AK5: variants seen among roughly 807,000 people sequenced by gnomAD.
AK5 encodes adenylate kinase isoenzyme 5.
In AK5, 27 loss-of-function variants were observed where a neutral mutation model predicts 69.5. The ratio of observed to expected loss-of-function variants is 0.39; its 90% CI spans 0.29 to 0.54. The LOEUF is 0.54. Ranked by LOEUF, AK5 falls within the 20% of genes least tolerant of loss-of-function variation. The pLI is 0.71. For missense variants in AK5, 531 were observed against 700.4 expected (o/e 0.76, Z 2.73); for synonymous variants, 260 against 244.4 (o/e 1.06, Z -0.60).
At chr1:77,381,141 T>C (rs1363700884) in intron 6 of AK5, among the ~76,000 whole-genome samples, 2 of 152,148 alleles carry the variant, frequency 1.3e-5, no homozygotes, top group African/African-American at 4.8e-5. Flanking sequence ...AATTAGGAAG[T>C]TGCTTCCACA....
intron 9 of AK5, among the ~76,000 whole-genome samples, chr1:77,483,673 C>G (rs879384978): frequency 6.6e-6 from 1 of 152,130 alleles, no homozygotes; most frequent in African/African-American, 2.4e-5. Context: ...CTGGAAGATC[C>G]AAGTATATAA....
intron 8 of AK5, among the ~76,000 whole-genome samples, chr1:77,447,233 T>C (rs540811801): frequency 5.4e-4 from 82 of 152,370 alleles, no homozygotes; most frequent in African/African-American, 1.8e-3. Flanking sequence ...TTAAACCTCA[T>C]AAATTCATAT....
chr1:77,358,447 A>T (rs952156729), intron 6 of AK5, among the ~76,000 whole-genome samples: 1 of 152,102 alleles, frequency 6.6e-6, no homozygotes, highest in Non-Finnish European at 1.5e-5. Flanking sequence ...TCTCATCTCC[A>T]TGTCTTGAGG....
At chr1:77,506,079 C>T (rs909122976) in intron 10 of AK5, among the ~76,000 whole-genome samples, 4 of 151,914 alleles carry the variant, frequency 2.6e-5, no homozygotes, top group Non-Finnish European at 5.9e-5. Context: ...ATTCAGAAAC[C>T]CAGGCAAGCA....
chr1:77,411,110 T>TA, intron 7 of AK5, 39 bp downstream of exon 7: 1 of 1,548,378 alleles, frequency 6.5e-7, no homozygotes, highest in Non-Finnish European at 8.9e-7. Context: ...TACGCCGTGA[T>TA]CACCTGCCAA....
At chr1:77,504,391 A>G (rs192048385) in intron 10 of AK5, among the ~76,000 whole-genome samples, 43 of 151,964 alleles carry the variant, frequency 2.8e-4, no homozygotes, top group Admixed American at 1.7e-3. Context: ...AATGAATACT[A>G]TTAGTATTTT....
chr1:77,506,251 GGTT>G (rs1168790214), intron 10 of AK5, among the ~76,000 whole-genome samples: 5 of 143,124 alleles, frequency 3.5e-5, no homozygotes, highest in Non-Finnish European at 6.2e-5. Context: ...TTGGTTGGTT[GGTT>G]GTTTTTTTTC....
chr1:77,352,456 CTA>C (rs1473191484), intron 6 of AK5, among the ~76,000 whole-genome samples: 1 of 152,142 alleles, frequency 6.6e-6, no homozygotes, highest in Admixed American at 6.5e-5. Flanking sequence ...GAAATAGATT[CTA>C]TGTTAGAGGA....
chr1:77,423,627 T>C (rs1195287620), intron 8 of AK5, among the ~76,000 whole-genome samples: 1 of 151,832 alleles, frequency 6.6e-6, no homozygotes, highest in Non-Finnish European at 1.5e-5. Flanking sequence ...CAGAAACGTC[T>C]GTAGAAGCCT....
intron 8 of AK5, among the ~76,000 whole-genome samples, chr1:77,470,857 ATATATATATATATATATATTTT>A (rs1262443879): frequency 4.5e-3 from 9 of 2,000 alleles, no homozygotes; most frequent in East Asian, 0.014. Context: ...ATATATATAT[ATATATATATATATATATATTTT>A]TTTTTTTTTT....
At chr1:77,441,736 G>A (rs138259075) in intron 8 of AK5, among the ~76,000 whole-genome samples, 101 of 152,330 alleles carry the variant, frequency 6.6e-4, no homozygotes, top group African/African-American at 2.2e-3. Context: ...CTTGATGTCA[G>A]GTCTGACACA....
At position 77,285,986 on chromosome 1, in the gene AK5, T is replaced by C. The variant is rs117606431; in HGVS notation, c.61-955T>C. Among the ~76,000 whole-genome samples, 22 of 152,254 alleles carry C rather than the reference T, an allele frequency of 1.4e-4. No homozygotes were observed. In the East Asian group the frequency reaches 3.7e-3, roughly 25 times the overall value. On this transcript the variant is annotated intron_variant, in intron 1 of 13. Coordinates refer to ENST00000354567, the MANE Select transcript of AK5 (RefSeq NM_174858.3). ...AGCTTATAGTTTAGAAGAAAGACTA[T>C]TGCATAACCGAATGGTTTCAGTATA...
chr1:77,518,912 A>G (rs937416416), intron 11 of AK5, among the ~76,000 whole-genome samples, 185 bp downstream of exon 11: 4 of 152,168 alleles, frequency 2.6e-5, no homozygotes, highest in Non-Finnish European at 5.9e-5. Flanking sequence ...CTACTCAACC[A>G]GGTCGAGCTG....
rs1194639248 is a variant in AK5, at chr1:77,554,060, T to A, written c.1621-4542T>A. ...CCAAGAAACCAGTCACAAAAGACCATATATTGTGTGATTTCATTGATATAA... is the reference window on the plus strand; with the variant it reads ...CCAAGAAACCAGTCACAAAAGACCAAATATTGTGTGATTTCATTGATATAA... On this transcript the variant is annotated intron_variant, in intron 13 of 13. Transcript: ENST00000354567. 3.3e-5 allele frequency among the ~76,000 whole-genome samples: 5 copies of A among 152,240 alleles called. No homozygotes were observed. In the East Asian group the frequency reaches 9.6e-4, roughly 29 times the overall value.
chr1:77,367,803 TAA>T lies in AK5; in HGVS notation c.891+27236_891+27237del, dbSNP rs372704982. 7.7e-4 allele frequency among the ~76,000 whole-genome samples: 24 copies of T among 31,036 alleles called. 2 individuals carry two copies. Among genetic ancestry groups the T allele is most frequent in the African/African-American group, 2.0e-3 (21 of 10,746 alleles). The allele number at this position is 31,036 out of a possible 152,430, so 20.4% of individuals were successfully genotyped here. A position where few individuals can be genotyped will look rare whatever the true frequency, so the allele number is the denominator to read the frequency against. On this transcript the variant is annotated intron_variant, in intron 6 of 13. Coordinates refer to ENST00000354567, the MANE Select transcript of AK5 (RefSeq NM_174858.3). ...TAATATATGTTATATATGTTATATA[TAA>T]TATATGTTATATATATTATATATAA... is the stretch of plus-strand genomic sequence containing the variant.
intron 8 of AK5, among the ~76,000 whole-genome samples, chr1:77,476,937 C>CA (rs1654975678): frequency 2.7e-5 from 4 of 147,996 alleles, no homozygotes; most frequent in East Asian, 3.9e-4. Flanking sequence ...AAGGAAAGTG[C>CA]AAAAAAATTC....
intron 6 of AK5, among the ~76,000 whole-genome samples, chr1:77,401,137 T>C (rs1649188552): frequency 6.6e-6 from 1 of 152,160 alleles, no homozygotes; most frequent in Non-Finnish European, 1.5e-5. Flanking sequence ...TTCTGCAAAG[T>C]AGTCTCAATG....
intron 6 of AK5, among the ~76,000 whole-genome samples, chr1:77,348,118 T>C (rs1457190731): frequency 6.6e-6 from 1 of 152,126 alleles, no homozygotes; most frequent in Admixed American, 6.5e-5. Context: ...GAATGTAAAA[T>C]ATTTTTCTGT....
intron 6 of AK5, among the ~76,000 whole-genome samples, chr1:77,401,491 C>T (rs1482578162): frequency 1.3e-5 from 2 of 151,924 alleles, no homozygotes; most frequent in African/African-American, 4.8e-5. Flanking sequence ...AACACTGAAA[C>T]AAAACAGCCA....
Sources: allele counts gnomAD v4.1 joint callset (sites outside exome capture counted in the v4.1 genomes callset), GRCh38; gene constraint gnomAD v4.1.1; transcripts MANE v1.5; gene names NCBI Gene and HGNC (gene_info 2026-07-23, HGNC 2026-07-21).